GUCY1A1: variants seen among roughly 807,000 people sequenced by gnomAD.
GUCY1A1 encodes the protein guanylate cyclase soluble subunit alpha-1.
Under a neutral mutation model 64.5 loss-of-function variants are expected in GUCY1A1, and 48 were observed. The ratio of observed to expected loss-of-function variants is 0.74; its 90% confidence interval spans 0.59 to 0.95. The LOEUF is 0.95. GUCY1A1 is among the 40% of genes least tolerant of loss of function. The pLI is 0.00. For missense variants in GUCY1A1, 804 were observed against 825.3 expected (o/e 0.97, Z 0.32); for synonymous variants, 308 against 303.4 (o/e 1.02, Z -0.16).
At chr4:155,721,197 G>A (rs201432486) in intron 8 of GUCY1A1, among the ~76,000 whole-genome samples, 3 of 55,740 alleles carry the variant, frequency 5.4e-5, no homozygotes, top group African/African-American at 1.7e-4. Context: ...CCAGGGGTTC[G>A]AGGTTACAGT....
At chr4:155,705,237 C>A (rs192241836) in intron 4 of GUCY1A1, among the ~76,000 whole-genome samples, 45 of 152,292 alleles carry the variant, frequency 3.0e-4, no homozygotes, top group Admixed American at 1.6e-3. Context: ...GAATCAAATA[C>A]AATTTAGCAC....
At chr4:155,706,539 G>A (rs1338924553) in intron 4 of GUCY1A1, among the ~76,000 whole-genome samples, 1 of 145,186 alleles carries the variant, frequency 6.9e-6, no homozygotes, top group African/African-American at 2.5e-5. Context: ...TTTTTTCAGT[G>A]AATGAGTGTT....
intron 4 of GUCY1A1, among the ~76,000 whole-genome samples, chr4:155,706,513 C>T (rs77909328): frequency 0.01 from 1,570 of 151,452 alleles, 35 homozygotes; most frequent in African/African-American, 0.036. Flanking sequence ...CTAGAGCTGC[C>T]CCCCTCCTCT....
intron 9 of GUCY1A1, among the ~76,000 whole-genome samples, chr4:155,727,904 C>A (rs1734950059): frequency 6.6e-6 from 1 of 151,870 alleles, no homozygotes; most frequent in Non-Finnish European, 1.5e-5. Context: ...AATATGTACT[C>A]TCTGCAGACA....
chr4:155,710,764 T>TA lies in GUCY1A1; in HGVS notation c.600dup (p.His201ThrfsTer8). 6.2e-7 allele frequency: 1 copy of TA among 1,614,090 alleles called. No homozygotes were observed. Among genetic ancestry groups the TA allele is most frequent in the South Asian group, 1.1e-5 (1 of 91,080 alleles). On this transcript the variant is annotated frameshift_variant, in exon 6 of 10. Transcript: ENST00000506455. LOFTEE classifies it high-confidence loss of function. Reference sequence around the variant, plus strand: ...TGCCTGGATAAGGAGGATGATTTTCTACATGTTTACTACTTCTTCCCTAAG... The same window carrying TA: ...TGCCTGGATAAGGAGGATGATTTTCTAACATGTTTACTACTTCTTCCCTAAG...
At chr4:155,693,460 A>G (rs763205701) in intron 2 of GUCY1A1, among the ~76,000 whole-genome samples, 1 of 152,122 alleles carries the variant, frequency 6.6e-6, no homozygotes, top group Non-Finnish European at 1.5e-5. Context: ...AACGTTACCC[A>G]TAAAAATCAT....
At position 155,666,957 on chromosome 4, in the gene GUCY1A1, C is replaced by T. The variant is rs999973521; in HGVS notation, c.-195C>T. 6.6e-6 allele frequency: 1 copy of T among 152,438 alleles called. No homozygotes were observed. The highest frequency in any genetic ancestry group is 1.5e-5 in the Non-Finnish European group (1 of 68,294). The allele number at this position is 152,438 out of a possible 1,614,324, so 9.4% of individuals were successfully genotyped here. ...CTTAGAGACCCCAGCCGGGCGTGAT[C>T]TCACCATGGTGCGTTTTGGCTGCTA... is the stretch of plus-strand genomic sequence containing the variant. On this transcript the variant is annotated 5_prime_UTR_variant, in exon 1 of 10. Transcript: ENST00000506455.
chr4:155,716,732 G>T (rs544776422), intron 7 of GUCY1A1, among the ~76,000 whole-genome samples: 1 of 152,230 alleles, frequency 6.6e-6, no homozygotes, highest in East Asian at 1.9e-4. Flanking sequence ...CATTTATTGA[G>T]TAGTGACTTG....
chr4:155,679,044 C>T (rs988880024), intron 2 of GUCY1A1, among the ~76,000 whole-genome samples: 1 of 152,144 alleles, frequency 6.6e-6, no homozygotes, highest in Non-Finnish European at 1.5e-5. Flanking sequence ...GAATTAAACT[C>T]CCTTGCTGTT....
At position 155,674,206 on chromosome 4, in the gene GUCY1A1, T is replaced by A. The variant is rs566754419; in HGVS notation, c.-113+6787T>A. Among the ~76,000 whole-genome samples the A allele has an allele frequency of 7.9e-4, 119 of 151,026 alleles. 5 individuals carry two copies. The highest frequency in any genetic ancestry group is 2.7e-3 in the African/African-American group (111 of 40,574). The stretch of plus-strand genomic sequence containing the variant: ...CCGTCTCTACTAAAAATACAAAAAA[T>A]TAGCCGGGCATGGTGGTGGGTGCCT... On this transcript the variant is annotated intron_variant, in intron 2 of 9. Transcript: ENST00000506455.
Position 155,717,183 on chromosome 4 carries a change from T to C in GUCY1A1, c.1597T>C (p.Cys533Arg). ...YKVETIGDAY[C>R]VAGGLHKESD... ...GGTGGAGACCATTGGCGATGCCTAT[T>C]GTGTAGCTGGGGGATTACACAAAGA... Residue 533 changes from cysteine to arginine, a missense_variant, in exon 8 of 10, where the codon TGT becomes CGT. Physicochemically the swap from Cys to Arg is radical, Grantham distance 180. Transcript: ENST00000506455. The C allele has an allele frequency of 6.5e-7, 1 of 1,538,846 alleles. No individual in the cohort carries two copies. The highest frequency in any genetic ancestry group is 8.8e-7 in the Non-Finnish European group (1 of 1,135,782).
At chr4:155,719,258 G>A (rs146768218) in intron 8 of GUCY1A1, among the ~76,000 whole-genome samples, 1 of 152,224 alleles carries the variant, frequency 6.6e-6, no homozygotes, top group East Asian at 1.9e-4. Context: ...ACCTTTTTAT[G>A]CATACTAACC....
intron 3 of GUCY1A1, among the ~76,000 whole-genome samples, chr4:155,697,598 C>T (rs956034455): frequency 2.6e-5 from 4 of 152,218 alleles, no homozygotes; most frequent in Admixed American, 6.5e-5. Flanking sequence ...GAGCATCATA[C>T]GTCCCCTGCC....
chr4:155,695,922 C>G (rs1444979522), intron 2 of GUCY1A1, among the ~76,000 whole-genome samples: 1 of 152,076 alleles, frequency 6.6e-6, no homozygotes, highest in Non-Finnish European at 1.5e-5. Flanking sequence ...TAACAAATAG[C>G]TAATGATAAA....
At chr4:155,726,212 T>C (rs1156933562) in intron 9 of GUCY1A1, among the ~76,000 whole-genome samples, 2 of 152,034 alleles carry the variant, frequency 1.3e-5, no homozygotes, top group African/African-American at 2.4e-5. Context: ...TATTTATGCC[T>C]TGCCTAAGGG....
At chr4:155,692,311 G>A (rs1729853581) in intron 2 of GUCY1A1, among the ~76,000 whole-genome samples, 1 of 152,146 alleles carries the variant, frequency 6.6e-6, no homozygotes, top group Non-Finnish European at 1.5e-5. Flanking sequence ...TGTATACCTA[G>A]TAGTAGGATT....
chr4:155,684,910 C>G (rs534020298), intron 2 of GUCY1A1, among the ~76,000 whole-genome samples: 1 of 152,168 alleles, frequency 6.6e-6, no homozygotes, highest in Non-Finnish European at 1.5e-5. Context: ...GCCCAACAAC[C>G]TGATCTTTCA....
chr4:155,717,792 C>A (rs1378279924), intron 8 of GUCY1A1, among the ~76,000 whole-genome samples: 2 of 152,128 alleles, frequency 1.3e-5, no homozygotes, highest in South Asian at 2.1e-4. Flanking sequence ...GGACTCTCTA[C>A]TAAGCATGCT....
intron 2 of GUCY1A1, among the ~76,000 whole-genome samples, chr4:155,678,322 A>T (rs1478406697): frequency 6.6e-6 from 1 of 152,236 alleles, no homozygotes; most frequent in Admixed American, 6.5e-5. Flanking sequence ...AGGTCTCAGG[A>T]CATCCCCAAG....
Sources: gnomAD v4.1 joint callset for allele counts (sites outside exome capture counted in the v4.1 genomes callset) on GRCh38, gnomAD v4.1.1 for gene constraint, MANE v1.5 for transcripts, NCBI Gene and HGNC (gene_info 2026-07-23, HGNC 2026-07-21) for gene names.